The following COLQ variants were observed in gnomAD, a reference collection of about 807,000 sequenced individuals.
COLQ encodes the protein acetylcholinesterase collagenic tail peptide.
A neutral mutation model predicts 69.0 loss-of-function variants in COLQ; 48 were observed. The observed-to-expected ratio is 0.70, with a 90% CI of 0.55 to 0.88. The LOEUF is 0.88. Among genes scored for constraint, COLQ ranks in the 40% least tolerant of loss-of-function variants. The probability of loss-of-function intolerance (pLI) is 0.00; values close to 1 mark genes in which losing one functional copy is unlikely to be tolerated. For missense variants in COLQ, 618 were observed against 594.6 expected, an observed-to-expected ratio of 1.04 and a Z score of -0.41; for synonymous variants, 217 against 211.2, an observed-to-expected ratio of 1.03 and a Z score of -0.24.
intron 9 of COLQ, 35 bp from the exon 10 acceptor site, chr3:15,474,070 C>G: frequency 1.9e-6 from 3 of 1,613,958 alleles, no homozygotes; most frequent in Non-Finnish European, 2.5e-6. Flanking sequence ...GTGATCACCT[C>G]TGAAATAACA....
At chr3:15,502,447 C>G (rs2062844773) in intron 1 of COLQ, among the ~76,000 whole-genome samples, 1 of 151,890 alleles carries the variant, frequency 6.6e-6, no homozygotes, top group Non-Finnish European at 1.5e-5. Context: ...ACAAAGTCTC[C>G]CTCTGTCACC....
At chr3:15,502,101 T>A (rs1159744638) in intron 1 of COLQ, among the ~76,000 whole-genome samples, 1 of 148,404 alleles carries the variant, frequency 6.7e-6, no homozygotes, top group Non-Finnish European at 1.5e-5. Flanking sequence ...TCTCATCTGC[T>A]AACTTGCACT....
intron 6 of COLQ, 58 bp downstream of exon 6, chr3:15,477,068 C>T: frequency 6.8e-7 from 1 of 1,478,908 alleles, no homozygotes; most frequent in African/African-American, 1.4e-5. Context: ...AGGAAAGCTG[C>T]CATCTTCCCC....
intron 11 of COLQ, among the ~76,000 whole-genome samples, chr3:15,467,138 T>C (rs1339280344): frequency 6.6e-6 from 1 of 152,244 alleles, no homozygotes; most frequent in African/African-American, 2.4e-5. Flanking sequence ...CCATGAGACA[T>C]ACACTCCCTA....
intron 1 of COLQ, among the ~76,000 whole-genome samples, chr3:15,521,022 C>A (rs1361860358): frequency 6.6e-6 from 1 of 152,230 alleles, no homozygotes; most frequent in Non-Finnish European, 1.5e-5. Flanking sequence ...CCCCCCACCC[C>A]ACCGGCCCCT....
intron 1 of COLQ, among the ~76,000 whole-genome samples, chr3:15,508,512 A>G (rs1170422094): frequency 6.6e-6 from 1 of 152,242 alleles, no homozygotes; most frequent in Non-Finnish European, 1.5e-5. Context: ...TAGGCGGTAC[A>G]ATAAATACTG....
intron 7 of COLQ, chr3:15,475,195 G>A (rs1328829978): frequency 1.5e-6 from 1 of 650,928 alleles, no homozygotes; most frequent in African/African-American, 1.8e-5. Flanking sequence ...CTGCTCTGAT[G>A]TCCAGAAGCT....
intron 5 of COLQ, among the ~76,000 whole-genome samples, chr3:15,477,859 G>A (rs762188180): frequency 6.6e-6 from 1 of 152,072 alleles, no homozygotes; most frequent in Non-Finnish European, 1.5e-5. Flanking sequence ...GGTTCCTCCC[G>A]AGAGTGGTCC....
At position 15,474,287 on chromosome 3, in the gene COLQ, T is replaced by C. The variant is rs57376327; in HGVS notation, c.556-15A>G. ...CCTCTGGATCCCTAGGAAGAAACCA[T>C]AGGAGAAAGTCAATGAGTTAATATC... On this transcript the variant is annotated splice_polypyrimidine_tract_variant and intron_variant, in intron 8 of 16. Coordinates refer to ENST00000383788, the MANE Select transcript of COLQ (RefSeq NM_005677.4). 7,284 of 1,613,546 alleles carry C rather than the reference T, an allele frequency of 4.5e-3. 259 individuals carry two copies. The African/African-American group carries it at 0.081, about 18-fold the overall frequency.
chr3:15,477,181 G>C lies in COLQ; in HGVS notation c.410C>G (p.Pro137Arg), dbSNP rs2125119716. 6.2e-7 allele frequency: 1 copy of C among 1,605,856 alleles called. No individual in the cohort carries two copies. The highest frequency in any genetic ancestry group is 8.5e-7 in the Non-Finnish European group (1 of 1,176,562). The change falls in exon 6 of 17, where the codon CCA (proline) becomes CGA (arginine). Residue 137 changes from proline to arginine, a missense_variant. Coordinates refer to ENST00000383788, the MANE Select transcript of COLQ (RefSeq NM_005677.4). ...RPGRKGRPGP[P>R]GVPGMPGPIG... ...GGGCCCAGGCATGCCAGGAACACCT[G>C]GGGGGCCAGGTCTACCCTTCAAAGA...
intron 5 of COLQ, among the ~76,000 whole-genome samples, chr3:15,478,144 T>C (rs9917794): frequency 2.6e-5 from 4 of 152,222 alleles, no homozygotes; most frequent in Non-Finnish European, 5.9e-5. Context: ...TTGTTAGGCC[T>C]GAGCATGGAC....
intron 6 of COLQ, 84 bp from the exon 7 acceptor site, chr3:15,475,571 G>C: frequency 7.6e-7 from 1 of 1,310,522 alleles, no homozygotes; most frequent in Non-Finnish European, 1.1e-6. Flanking sequence ...GATTGGGAAG[G>C]AACTGGGGAT....
At chr3:15,495,193 C>T (rs550108866) in intron 1 of COLQ, among the ~76,000 whole-genome samples, 1 of 152,282 alleles carries the variant, frequency 6.6e-6, no homozygotes, top group South Asian at 2.1e-4. Flanking sequence ...CAAGCAAAGG[C>T]TTCAGGGAAC....
At chr3:15,499,713 C>T (rs1575490724) in intron 1 of COLQ, among the ~76,000 whole-genome samples, 1 of 152,216 alleles carries the variant, frequency 6.6e-6, no homozygotes, top group South Asian at 2.1e-4. Context: ...GACATAATGA[C>T]TAGACACAGT....
chr3:15,470,442 A>G (rs185508304), intron 11 of COLQ, 94 bp downstream of exon 11: 5 of 1,118,878 alleles, frequency 4.5e-6, no homozygotes, highest in African/African-American at 1.5e-5. Context: ...GGTCTACAGA[A>G]TATCTCTGAT....
At chr3:15,511,878 T>C (rs1190258889) in intron 1 of COLQ, among the ~76,000 whole-genome samples, 1 of 152,056 alleles carries the variant, frequency 6.6e-6, no homozygotes, top group Non-Finnish European at 1.5e-5. Flanking sequence ...CTCCTCATGA[T>C]CATAACCCAC....
intron 7 of COLQ, 30 bp downstream of exon 7, chr3:15,475,395 T>C: frequency 6.4e-7 from 1 of 1,571,616 alleles, no homozygotes; most frequent in Non-Finnish European, 8.7e-7. Flanking sequence ...GACAGAGATC[T>C]GGGAACGTCC....
chr3:15,463,388 C>T (rs948898946), intron 12 of COLQ, among the ~76,000 whole-genome samples: 5 of 151,576 alleles, frequency 3.3e-5, no homozygotes, highest in African/African-American at 1.2e-4. Context: ...GCTCTGTCAC[C>T]CAGGCTGGAG....
At chr3:15,497,036 C>CTTGTTT (rs2062755885) in intron 1 of COLQ, among the ~76,000 whole-genome samples, 1 of 107,530 alleles carries the variant, frequency 9.3e-6, no homozygotes, top group Non-Finnish European at 1.8e-5. Context: ...GTCCTTTTGC[C>CTTGTTT]TTTTTTTTTT....
Sources: gnomAD v4.1 joint callset for allele counts (sites outside exome capture counted in the v4.1 genomes callset) on GRCh38, gnomAD v4.1.1 for gene constraint, MANE v1.5 for transcripts, NCBI Gene and HGNC (gene_info 2026-07-23, HGNC 2026-07-21) for gene names.